Variants in FAM117B observed in about 807,000 individuals in gnomAD.
FAM117B encodes the protein protein FAM117B.
Under a neutral mutation model 52.8 loss-of-function variants are expected in FAM117B, and 22 were observed. The ratio of observed to expected loss-of-function variants is 0.42; its 90% CI spans 0.30 to 0.59. The LOEUF (loss-of-function observed/expected upper bound fraction) is 0.59, where lower values mean the gene tolerates loss of function less well. Among genes scored for constraint, FAM117B ranks in the 20% least tolerant of loss-of-function variants. FAM117B has a pLI of 0.22. For missense variants in FAM117B, 678 were observed against 802.6 expected (o/e 0.84, Z 1.88); for synonymous variants, 309 against 324.1 (o/e 0.95, Z 0.50).
chr2:202,737,453 G>A (rs1053101491), intron 4 of FAM117B, among the ~76,000 whole-genome samples: 2 of 152,000 alleles, frequency 1.3e-5, no homozygotes, highest in Admixed American at 1.3e-4. Flanking sequence ...TCTCTTGTAA[G>A]CACTGCTCTG....
chr2:202,644,064 G>GTTTTTTTTTTTTTTTTT (rs1161026426), intron 1 of FAM117B, among the ~76,000 whole-genome samples: 19 of 95,160 alleles, frequency 2.0e-4, no homozygotes, highest in East Asian at 6.5e-4. Flanking sequence ...TTTTTTTTTT[G>GTTTTTTTTTTTTTTTTT]TTTTTTTTTT....
chr2:202,730,977 C>T (rs1178092672), intron 4 of FAM117B, among the ~76,000 whole-genome samples: 1 of 152,066 alleles, frequency 6.6e-6, no homozygotes, highest in East Asian at 1.9e-4. Flanking sequence ...AATAGGATAA[C>T]CCACAAATCA....
intron 1 of FAM117B, among the ~76,000 whole-genome samples, chr2:202,681,596 T>A (rs1394866762): frequency 6.6e-6 from 1 of 152,224 alleles, no homozygotes; most frequent in East Asian, 1.9e-4. Flanking sequence ...TGTAAGAGTG[T>A]TTGCATCGAA....
chr2:202,666,099 A>T (rs931213465), intron 1 of FAM117B, among the ~76,000 whole-genome samples: 1 of 152,220 alleles, frequency 6.6e-6, no homozygotes, highest in South Asian at 2.1e-4. Flanking sequence ...TCATTCTGCA[A>T]TTTGTGTCTG....
chr2:202,740,173 CCAAAAAAAAAAAAAAAA>C (rs1035219560), intron 4 of FAM117B, among the ~76,000 whole-genome samples: 4 of 69,672 alleles, frequency 5.7e-5, no homozygotes, highest in Non-Finnish European at 1.0e-4. Flanking sequence ...ACTTCATCCC[CCAAAAAAAAAAAAAAAA>C]AAAAAAAAAA....
rs1691993114 is a variant in FAM117B at position 202,767,118 on chromosome 2, T to C, written c.*1354T>C. 6.6e-6 allele frequency: 1 copy of C among 152,358 alleles called. No homozygotes were observed. Among genetic ancestry groups the C allele is most frequent in the Admixed American group, 6.6e-5 (1 of 15,232 alleles). 9.4% of individuals were successfully genotyped at this position (152,358 alleles called of 1,614,324 possible). The stretch of plus-strand genomic sequence containing the variant: ...CTGCCAGTATCACATGACATCAGTA[T>C]GTGATTTCTGGGTATGTGGTAGTGA... On this transcript the variant is annotated 3_prime_UTR_variant, in exon 8 of 8. Coordinates refer to ENST00000392238, the MANE Select transcript of FAM117B (RefSeq NM_173511.4).
At chr2:202,642,767 C>T (rs781477019) in intron 1 of FAM117B, among the ~76,000 whole-genome samples, 2 of 152,144 alleles carry the variant, frequency 1.3e-5, no homozygotes, top group Non-Finnish European at 2.9e-5. Flanking sequence ...TAGGCATTTA[C>T]ATGTGGGCAA....
At chr2:202,653,084 T>C (rs894691734) in intron 1 of FAM117B, among the ~76,000 whole-genome samples, 39 of 151,976 alleles carry the variant, frequency 2.6e-4, no homozygotes, top group Non-Finnish European at 8.8e-5. Flanking sequence ...CTAGGCAACA[T>C]AGAGGTACCT....
chr2:202,698,323 G>A (rs561795917), intron 2 of FAM117B, among the ~76,000 whole-genome samples: 24 of 152,244 alleles, frequency 1.6e-4, no homozygotes, highest in African/African-American at 5.8e-4. Flanking sequence ...CAGACAATTG[G>A]GATTTGGATT....
rs1210133017 is a variant in FAM117B, at chr2:202,696,049, T to C, written c.753+17T>C. On this transcript the variant is annotated intron_variant, in intron 2 of 7. Coordinates refer to ENST00000392238, the MANE Select transcript of FAM117B (RefSeq NM_173511.4). ...GCTACACAGGTAAGCTTATTATAGT[T>C]CTTATCCTGAAGTGTTTTTCTCTGA... is the stretch of plus-strand genomic sequence containing the variant. 1 of 1,609,662 alleles carries C rather than the reference T, an allele frequency of 6.2e-7. No individual in the cohort carries two copies. The highest frequency in any genetic ancestry group is 2.2e-5 in the East Asian group (1 of 44,842).
chr2:202,733,146 G>A (rs1028496881), intron 4 of FAM117B, among the ~76,000 whole-genome samples: 1 of 152,122 alleles, frequency 6.6e-6, no homozygotes, highest in African/African-American at 2.4e-5. Context: ...AAACCAGCAG[G>A]TTTTCATTAA....
intron 2 of FAM117B, among the ~76,000 whole-genome samples, chr2:202,716,247 CT>C (rs912130596): frequency 1.5e-4 from 22 of 150,930 alleles, no homozygotes; most frequent in Middle Eastern, 3.4e-3. Context: ...TTTTCCATCC[CT>C]TTTTTTTTCA....
chr2:202,691,649 TTGTGTGTGTG>T lies in FAM117B; in HGVS notation c.602-4191_602-4182del, dbSNP rs199855927. 5.4e-3 allele frequency among the ~76,000 whole-genome samples: 679 copies of T among 126,862 alleles called. 5 individuals carry two copies. The highest frequency in any genetic ancestry group is 0.014 in the East Asian group (65 of 4,546). The allele number at this position is 126,862 out of a possible 152,430, so 83.2% of individuals were successfully genotyped here. Reference sequence around the variant, plus strand: ...TATAATGCATATATACCAGTTTACATTGTGTGTGTGTGTGTGTGTGTGTGTGTGTGTGTGT... The same window carrying T: ...TATAATGCATATATACCAGTTTACATTGTGTGTGTGTGTGTGTGTGTGTGT... On this transcript the variant is annotated intron_variant, in intron 1 of 7. Transcript: ENST00000392238.
At chr2:202,717,756 T>C (rs909347995) in intron 2 of FAM117B, among the ~76,000 whole-genome samples, 1 of 152,210 alleles carries the variant, frequency 6.6e-6, no homozygotes, top group Non-Finnish European at 1.5e-5. Flanking sequence ...GGGTCAGACC[T>C]GAAGCCAGCA....
chr2:202,635,689 G>A lies in FAM117B; in HGVS notation c.502G>A (p.Ala168Thr). The A allele has an allele frequency of 1.4e-6, 2 of 1,417,834 alleles. No individual in the cohort carries two copies. Among genetic ancestry groups the A allele is most frequent in the Non-Finnish European group, 1.8e-6 (2 of 1,086,628 alleles). 87.8% of individuals were successfully genotyped at this position (1,417,834 alleles called of 1,614,324 possible). The change falls in exon 1 of 8, where the codon GCC (alanine) becomes ACC (threonine). Residue 168 changes from alanine (A) to threonine (T), a missense_variant. By Grantham distance (58) the Ala-to-Thr change is moderately conservative. Coordinates refer to ENST00000392238, the MANE Select transcript of FAM117B (RefSeq NM_173511.4). ...THLWTGEVSAAPPPARVRHRR... is the reference protein window; with the variant it reads ...THLWTGEVSATPPPARVRHRR... ...CCTGTGGACCGGCGAGGTGAGCGCGGCCCCACCCCCAGCCCGCGTCCGGCA... is the reference window on the plus strand; with the variant it reads ...CCTGTGGACCGGCGAGGTGAGCGCGACCCCACCCCCAGCCCGCGTCCGGCA...
intron 1 of FAM117B, among the ~76,000 whole-genome samples, chr2:202,679,224 A>G (rs1265362086): frequency 6.6e-6 from 1 of 152,158 alleles, no homozygotes; most frequent in African/African-American, 2.4e-5. Context: ...GAGAAGGGAA[A>G]CATAGTAAGG....
intron 4 of FAM117B, among the ~76,000 whole-genome samples, chr2:202,751,649 G>A (rs1230515767): frequency 2.0e-5 from 3 of 151,720 alleles, no homozygotes; most frequent in Admixed American, 6.6e-5. Context: ...GCGGGTGCCT[G>A]TAATCCCAGC....
In FAM117B at chr2:202,706,082, G is replaced by A. The variant is rs145681110; in HGVS notation, c.753+10050G>A. ...GGCTAGAGTGTAGTGGCTATTCACA[G>A]GCATAATCACCGTGCACTATAGCCT... On this transcript the variant is annotated intron_variant, in intron 2 of 7. Coordinates refer to ENST00000392238, the MANE Select transcript of FAM117B (RefSeq NM_173511.4). Among the ~76,000 whole-genome samples the A allele has an allele frequency of 5.9e-5, 9 of 152,264 alleles. No homozygotes were observed. The East Asian group carries it at 1.5e-3, about 26-fold the overall frequency.
chr2:202,635,334 G>GCAA lies in FAM117B; in HGVS notation c.150_152dup (p.Gln50dup). The stretch of plus-strand genomic sequence containing the variant: ...TCCAGCTGAAGCAGCAGCAGCAGCA[G>GCAA]CAACATGGCAGCCCCACGCGGAGCG... On this transcript the variant is annotated inframe_insertion, in exon 1 of 8. Transcript: ENST00000392238. 2 of 1,414,616 alleles carry GCAA rather than the reference G, an allele frequency of 1.4e-6. No homozygotes were observed. The highest frequency in any genetic ancestry group is 1.8e-6 in the Non-Finnish European group (2 of 1,083,606). The allele number at this position is 1,414,616 out of a possible 1,614,324, so 87.6% of individuals were successfully genotyped here.
Sources: gnomAD v4.1 joint callset for allele counts (sites outside exome capture counted in the v4.1 genomes callset) on GRCh38, gnomAD v4.1.1 for gene constraint, MANE v1.5 for transcripts, NCBI Gene and HGNC (gene_info 2026-07-23, HGNC 2026-07-21) for gene names.